Variants in MSRA observed in about 807,000 individuals in gnomAD.
MSRA encodes mitochondrial peptide methionine sulfoxide reductase.
In MSRA, 54 loss-of-function variants were observed where a neutral mutation model predicts 31.3. The ratio of observed to expected loss-of-function variants is 1.73; its 90% CI spans 1.39 to 2.17. MSRA has a LOEUF of 2.17. MSRA is among the 30% of genes most tolerant of loss of function. The probability of loss-of-function intolerance (pLI) is 0.00; values close to 1 mark genes in which losing one functional copy is unlikely to be tolerated. For synonymous variants in MSRA, 169 were observed against 116.5 expected (o/e 1.45, Z -2.90); for missense variants, 507 against 300.9 (o/e 1.69, Z -5.07).
intron 2 of MSRA, among the ~76,000 whole-genome samples, chr8:10,224,810 C>T (rs1184400372): frequency 6.6e-6 from 1 of 152,206 alleles, no homozygotes; most frequent in African/African-American, 2.4e-5. Flanking sequence ...ATGTAAGGTT[C>T]TGCAGAACCT....
rs183389096 is a variant in MSRA at position 10,112,254 on chromosome 8, A to G, written c.142+57596A>G. The stretch of plus-strand genomic sequence containing the variant: ...GCTAGTAGTGTAATACAGTCTATTA[A>G]TTCATTAGAAAAGAGACTGACCATC... On this transcript the variant is annotated intron_variant, in intron 1 of 5. Coordinates refer to ENST00000317173, the MANE Select transcript of MSRA (RefSeq NM_012331.5). 6.6e-5 allele frequency among the ~76,000 whole-genome samples: 10 copies of G among 152,336 alleles called. No individual in the cohort carries two copies. In the East Asian group the frequency reaches 1.9e-3, roughly 29 times the overall value.
chr8:10,282,257 G>A (rs1405822595), intron 3 of MSRA, among the ~76,000 whole-genome samples: 3 of 152,152 alleles, frequency 2.0e-5, no homozygotes, highest in South Asian at 2.1e-4. Flanking sequence ...TTTGCAGAAG[G>A]GCCAAGATAG....
chr8:10,167,466 G>A (rs984021183), intron 1 of MSRA, among the ~76,000 whole-genome samples: 2 of 152,164 alleles, frequency 1.3e-5, no homozygotes, highest in Non-Finnish European at 2.9e-5. Context: ...AGTTTGGGGG[G>A]TTGTTTATCA....
intron 5 of MSRA, among the ~76,000 whole-genome samples, chr8:10,334,188 ATGTG>A (rs61031081): frequency 0.14 from 19,437 of 136,866 alleles, 1,514 homozygotes; most frequent in African/African-American, 0.22. Flanking sequence ...GTGTGTATTT[ATGTG>A]TGTGTGTGTG....
intron 1 of MSRA, among the ~76,000 whole-genome samples, chr8:10,076,481 A>G (rs944395599): frequency 2.0e-5 from 3 of 152,174 alleles, no homozygotes; most frequent in African/African-American, 4.8e-5. Flanking sequence ...ACTTAAACCC[A>G]TAGTCTTATA....
At position 10,407,163 on chromosome 8, in the gene MSRA, C is replaced by T. The variant is rs1025632810; in HGVS notation, c.544-20985C>T. ...AAGTGCTGGGAGTGTAGGCAGAAGC[C>T]ACCATGCCCAGCCTAGACTATGTGA... On this transcript the variant is annotated intron_variant, in intron 5 of 5. Transcript: ENST00000317173. Among the ~76,000 whole-genome samples the T allele has an allele frequency of 2.0e-5, 3 of 152,326 alleles. No individual in the cohort carries two copies. The East Asian group carries it at 5.8e-4, about 29-fold the overall frequency.
At position 10,075,564 on chromosome 8, in the gene MSRA, A is replaced by G. The variant is rs1797958875; in HGVS notation, c.142+20906A>G. Among the ~76,000 whole-genome samples the G allele has an allele frequency of 3.3e-5, 5 of 152,242 alleles. No individual in the cohort carries two copies. In the South Asian group the frequency reaches 1.0e-3, roughly 32 times the overall value. ...ATATGTAAAAATATTGGTGAGTGAA[A>G]GAAATGGCTCCCAGTATGACAGAAG... On this transcript the variant is annotated intron_variant, in intron 1 of 5. Transcript: ENST00000317173.
intron 2 of MSRA, among the ~76,000 whole-genome samples, chr8:10,213,432 C>T (rs1050595689): frequency 2.6e-5 from 2 of 76,750 alleles, no homozygotes; most frequent in Non-Finnish European, 2.3e-5. Context: ...ACCACACTTT[C>T]TTTTTTTTTT....
intron 5 of MSRA, among the ~76,000 whole-genome samples, chr8:10,424,304 G>A (rs1281094273): frequency 6.6e-6 from 1 of 152,232 alleles, no homozygotes; most frequent in Admixed American, 6.5e-5. Flanking sequence ...GTAGAAGATG[G>A]TGAGGGAGAC....
rs558827609 is a variant in MSRA at position 10,417,245 on chromosome 8, T to C, written c.544-10903T>C. Among the ~76,000 whole-genome samples, 64 of 152,250 alleles carry C rather than the reference T, an allele frequency of 4.2e-4. 1 individual carries two copies. In the South Asian group the frequency reaches 0.013, roughly 31 times the overall value. ...GGGGCTTGTAAAGGCTTCAGCCCCT[T>C]TGAACGCGCTCCTTGTCATTGTCAC... On this transcript the variant is annotated intron_variant, in intron 5 of 5. Coordinates refer to ENST00000317173, the MANE Select transcript of MSRA (RefSeq NM_012331.5).
Position 10,319,956 on chromosome 8 carries a change from G to A in MSRA, c.510G>A (p.Glu170=), listed in dbSNP as rs755614472. The change falls in exon 5 of 6, where the codon GAG becomes GAA. Residue 170 remains glutamate (E), a synonymous_variant. Transcript: ENST00000317173. The part of the protein sequence containing the change: ...AIYPTSAKQM[E]AALSSKENYQ... ...ACCCGACCTCTGCCAAGCAAATGGA[G>A]GCAGCCCTGAGCTCCAAAGAGAACT... 6.7e-5 allele frequency: 107 copies of A among 1,601,592 alleles called. No individual in the cohort carries two copies. The highest frequency in any genetic ancestry group is 8.4e-5 in the Non-Finnish European group (99 of 1,174,380).
At chr8:10,421,601 A>G (rs114869074) in intron 5 of MSRA, among the ~76,000 whole-genome samples, 3 of 152,228 alleles carry the variant, frequency 2.0e-5, no homozygotes, top group East Asian at 3.9e-4. Context: ...AGTCAGCAGA[A>G]TGATCACATG....
intron 3 of MSRA, among the ~76,000 whole-genome samples, chr8:10,284,328 A>G (rs972607796): frequency 6.6e-6 from 1 of 152,030 alleles, no homozygotes; most frequent in African/African-American, 2.4e-5. Flanking sequence ...AGCTGGGACT[A>G]TAGGCGCCCG....
chr8:10,406,699 C>T (rs1028716110), intron 5 of MSRA, among the ~76,000 whole-genome samples: 2 of 152,196 alleles, frequency 1.3e-5, no homozygotes, highest in African/African-American at 4.8e-5. Flanking sequence ...CACAGATAAG[C>T]CATATCTCCC....
intron 3 of MSRA, among the ~76,000 whole-genome samples, chr8:10,278,290 A>G (rs994753694): frequency 2.6e-5 from 4 of 152,276 alleles, no homozygotes; most frequent in Admixed American, 2.6e-4. Context: ...ACAACACAAG[A>G]GGCAGCATAC....
chr8:10,272,663 C>G (rs1056639621), intron 3 of MSRA, among the ~76,000 whole-genome samples: 5 of 152,210 alleles, frequency 3.3e-5, no homozygotes, highest in African/African-American at 9.7e-5. Flanking sequence ...AACCCTCACT[C>G]TTACTCGCGC....
chr8:10,164,357 A>G (rs1804934440), intron 1 of MSRA, among the ~76,000 whole-genome samples: 1 of 152,082 alleles, frequency 6.6e-6, no homozygotes, highest in African/African-American at 2.4e-5. Context: ...GCTGTCGTGT[A>G]TTTTGGCAGC....
intron 5 of MSRA, among the ~76,000 whole-genome samples, chr8:10,326,052 G>A (rs930068293): frequency 3.3e-5 from 5 of 152,160 alleles, no homozygotes; most frequent in Non-Finnish European, 5.9e-5. Context: ...AGAAGGCTTG[G>A]TGTTTCTGGC....
At chr8:10,169,781 T>C (rs772523995) in intron 1 of MSRA, among the ~76,000 whole-genome samples, 1 of 152,148 alleles carries the variant, frequency 6.6e-6, no homozygotes, top group Admixed American at 6.5e-5. Context: ...GTACATAACA[T>C]TTGTTTTTAA....
Sources: allele counts gnomAD v4.1 joint callset (sites outside exome capture counted in the v4.1 genomes callset), GRCh38; gene constraint gnomAD v4.1.1; transcripts MANE v1.5; gene names NCBI Gene and HGNC (gene_info 2026-07-23, HGNC 2026-07-21).